The following NKAIN3 variants were observed in gnomAD, a reference collection of about 807,000 sequenced individuals.
NKAIN3 encodes sodium/potassium transporting ATPase interacting 3, also known as sodium/potassium-transporting ATPase subunit beta-1-interacting protein 3.
A neutral mutation model predicts 30.2 loss-of-function variants in NKAIN3; 25 were observed. That is an observed-to-expected ratio of 0.83 (90% confidence interval 0.60 to 1.16). NKAIN3 has a LOEUF of 1.16. Ranked by LOEUF, NKAIN3 falls within the 50% of genes most tolerant of loss-of-function variation. NKAIN3 has a pLI of 0.00. For synonymous variants in NKAIN3, 91 were observed against 89.6 expected (o/e 1.02, Z -0.09); for missense variants, 225 against 254.1 (o/e 0.89, Z 0.78).
chr8:62,979,519 T>C lies in NKAIN3; in HGVS notation c.*14112T>C, dbSNP rs1407595130. 2.0e-5 allele frequency: 3 copies of C among 152,180 alleles called. No individual in the cohort carries two copies. Among genetic ancestry groups the C allele is most frequent in the African/African-American group, 7.2e-5 (3 of 41,438 alleles). The allele number at this position is 152,180 out of a possible 1,614,324, so 9.4% of individuals were successfully genotyped here. A position where few individuals can be genotyped will look rare whatever the true frequency, so the allele number is the denominator to read the frequency against. On this transcript the variant is annotated 3_prime_UTR_variant, in exon 7 of 7. Coordinates refer to ENST00000623646, the MANE Select transcript of NKAIN3 (RefSeq NM_001304533.3). ...CCACATGGCCCATTTCTTTAAACAA[T>C]AAATGGTAAATTATTATTTTGGGGA...
chr8:62,651,286 C>T (rs1236164593), intron 3 of NKAIN3, among the ~76,000 whole-genome samples: 1 of 151,984 alleles, frequency 6.6e-6, no homozygotes, highest in African/African-American at 2.4e-5. Context: ...TAAAAAGGTG[C>T]CACATTGTTC....
chr8:62,793,860 A>G (rs1390003407), intron 4 of NKAIN3, among the ~76,000 whole-genome samples: 1 of 152,198 alleles, frequency 6.6e-6, no homozygotes, highest in Admixed American at 6.5e-5. Context: ...ATATTTCTAC[A>G]TTAATTAATT....
At chr8:62,719,024 T>C (rs868539334) in intron 3 of NKAIN3, among the ~76,000 whole-genome samples, 44 of 152,300 alleles carry the variant, frequency 2.9e-4, no homozygotes, top group African/African-American at 1.1e-3. Flanking sequence ...TACGAAAAGA[T>C]AAATTACACT....
rs1267609795 is a variant in NKAIN3 at position 62,965,875 on chromosome 8, A to C, written c.*468A>C. 3.0e-6 allele frequency: 3 copies of C among 985,152 alleles called. No homozygotes were observed. In the East Asian group the frequency reaches 3.4e-4, roughly 112 times the overall value. 61.0% of individuals were successfully genotyped at this position (985,152 alleles called of 1,614,324 possible). The stretch of plus-strand genomic sequence containing the variant: ...AGGTAGACCCTGTGACAGCTGATAA[A>C]TAGGTACAAATAATGGATCCAGCTT... On this transcript the variant is annotated 3_prime_UTR_variant, in exon 7 of 7. Coordinates refer to ENST00000623646, the MANE Select transcript of NKAIN3 (RefSeq NM_001304533.3).
chr8:62,989,022 A>C (rs1824262933), downstream of NKAIN3, among the ~76,000 whole-genome samples: 1 of 152,218 alleles, frequency 6.6e-6, no homozygotes, highest in Non-Finnish European at 1.5e-5. Flanking sequence ...TGGAGTAAAG[A>C]ACAACCTTTA....
chr8:62,960,831 T>C (rs1301884204), intron 6 of NKAIN3, among the ~76,000 whole-genome samples: 1 of 152,024 alleles, frequency 6.6e-6, no homozygotes, highest in Non-Finnish European at 1.5e-5. Context: ...CATTCTGCCT[T>C]GAGGGCAGTT....
At chr8:62,654,146 A>G (rs1041951862) in intron 3 of NKAIN3, among the ~76,000 whole-genome samples, 4 of 148,386 alleles carry the variant, frequency 2.7e-5, no homozygotes, top group Admixed American at 1.3e-4. Context: ...CATCAGCAAA[A>G]GAATGAAATG....
intron 1 of NKAIN3, among the ~76,000 whole-genome samples, chr8:62,389,808 G>T (rs748120233): frequency 2.0e-5 from 3 of 152,118 alleles, no homozygotes; most frequent in Non-Finnish European, 4.4e-5. Flanking sequence ...GTGTCATTTA[G>T]GGCTCAGTAG....
intron 4 of NKAIN3, among the ~76,000 whole-genome samples, chr8:62,764,950 A>T (rs1304205330): frequency 6.6e-6 from 1 of 152,196 alleles, no homozygotes; most frequent in Non-Finnish European, 1.5e-5. Flanking sequence ...TGAACATGAA[A>T]TTATGTCAGG....
intron 4 of NKAIN3, among the ~76,000 whole-genome samples, chr8:62,773,244 G>T (rs1301495872): frequency 6.6e-6 from 1 of 152,100 alleles, no homozygotes. Context: ...TATGGAGAGA[G>T]ATTGGAGTAT....
At chr8:62,345,249 G>GTATATA (rs775979385) in intron 1 of NKAIN3, among the ~76,000 whole-genome samples, 1 of 51,794 alleles carries the variant, frequency 1.9e-5, no homozygotes, top group African/African-American at 5.5e-5. Context: ...GTACATGTGG[G>GTATATA]TATATATATA....
intron 1 of NKAIN3, among the ~76,000 whole-genome samples, chr8:62,463,519 A>T (rs1806060809): frequency 6.6e-6 from 1 of 152,334 alleles, no homozygotes; most frequent in South Asian, 2.1e-4. Context: ...ATTCTGTGGC[A>T]TCTAAATCTA....
rs554777088 is a variant in NKAIN3 at position 62,942,718 on chromosome 8, A to G, written c.533-11184A>G. On this transcript the variant is annotated intron_variant, in intron 5 of 6. Coordinates refer to ENST00000623646, the MANE Select transcript of NKAIN3 (RefSeq NM_001304533.3). Reference sequence around the variant, plus strand: ...ATGGAACAAAATAGAGAACACAGAAACAAAGCCAAATACTTACAGCCAACT... The same window carrying G: ...ATGGAACAAAATAGAGAACACAGAAGCAAAGCCAAATACTTACAGCCAACT... 3.3e-5 allele frequency among the ~76,000 whole-genome samples: 5 copies of G among 152,154 alleles called. No individual in the cohort carries two copies. The South Asian group carries it at 6.2e-4, about 19-fold the overall frequency.
intron 1 of NKAIN3, among the ~76,000 whole-genome samples, chr8:62,249,636 G>C (rs1030404543): frequency 6.6e-6 from 1 of 152,084 alleles, no homozygotes; most frequent in Non-Finnish European, 1.5e-5. Context: ...ACCTTAAGCA[G>C]GTTGAAAAGT....
At chr8:62,866,889 AC>A (rs1242373930) in intron 4 of NKAIN3, among the ~76,000 whole-genome samples, 2 of 93,062 alleles carry the variant, frequency 2.1e-5, no homozygotes, top group African/African-American at 4.4e-5. Context: ...TACTAAAAAT[AC>A]AAAAAAAAAA....
At chr8:62,403,544 C>T (rs1803957038) in intron 1 of NKAIN3, among the ~76,000 whole-genome samples, 1 of 152,230 alleles carries the variant, frequency 6.6e-6, no homozygotes. Flanking sequence ...GGTCAAGTTA[C>T]AGCTCAGGCC....
At chr8:62,494,118 G>T (rs941449584) in intron 1 of NKAIN3, among the ~76,000 whole-genome samples, 6 of 152,242 alleles carry the variant, frequency 3.9e-5, no homozygotes, top group Admixed American at 3.9e-4. Context: ...CAAGGGAAAT[G>T]TTTCTAGCTT....
chr8:62,325,105 A>G (rs1014995233), intron 1 of NKAIN3, among the ~76,000 whole-genome samples: 2 of 152,178 alleles, frequency 1.3e-5, no homozygotes, highest in East Asian at 3.9e-4. Flanking sequence ...ACTGTATCCA[A>G]TAGGTAGTCT....
chr8:62,773,748 C>T (rs757947103), intron 4 of NKAIN3, among the ~76,000 whole-genome samples: 2 of 152,138 alleles, frequency 1.3e-5, no homozygotes, highest in South Asian at 4.1e-4. Flanking sequence ...TCCTCACTCA[C>T]CTTCCACCAT....
Sources: allele counts gnomAD v4.1 joint callset (sites outside exome capture counted in the v4.1 genomes callset), GRCh38; gene constraint gnomAD v4.1.1; transcripts MANE v1.5; gene names NCBI Gene and HGNC (gene_info 2026-07-23, HGNC 2026-07-21).